SLCO2A1: variants seen among roughly 807,000 people sequenced by gnomAD.
SLCO2A1 encodes the protein solute carrier organic anion transporter family member 2A1, also known as matrin F/G 1.
SLCO2A1 carries 60 observed loss-of-function variants against 71.7 expected under a neutral mutation model. The observed-to-expected ratio is 0.84, with a 90% CI of 0.68 to 1.04. SLCO2A1 has a LOEUF of 1.04. SLCO2A1 is among the 50% of genes least tolerant of loss of function. The probability of loss-of-function intolerance (pLI) is 0.00; values close to 1 mark genes in which losing one functional copy is unlikely to be tolerated. For synonymous variants in SLCO2A1, 308 were observed against 326.7 expected (o/e 0.94, Z 0.62); for missense variants, 745 against 813.4 (o/e 0.92, Z 1.02).
rs1379204674 is a variant in SLCO2A1 at position 133,979,574 on chromosome 3, C to T, written c.141G>A (p.Leu47=). The change falls in exon 2 of 14, where the codon CTG becomes CTA. Residue 47 remains leucine (L), a synonymous_variant. Coordinates refer to ENST00000310926, the MANE Select transcript of SLCO2A1 (RefSeq NM_005630.3). The stretch of plus-strand genomic sequence containing the variant: ...GGCTGCTCTTGAAGTAGGCGCTGTA[C>T]AGGAGTTGGCAGAGCTGCAGGAGGC... ...CQGLLQLCQL[L]YSAYFKSSLT... 1 of 1,614,020 alleles carries T rather than the reference C, an allele frequency of 6.2e-7. No individual in the cohort carries two copies.
At chr3:133,989,866 A>G (rs2108063919) in intron 1 of SLCO2A1, among the ~76,000 whole-genome samples, 1 of 152,062 alleles carries the variant, frequency 6.6e-6, no homozygotes, top group East Asian at 1.9e-4. Context: ...CCTTCTCCCT[A>G]CTCCTCCCAA....
At chr3:133,990,874 C>A (rs1384190734) in intron 1 of SLCO2A1, among the ~76,000 whole-genome samples, 1 of 152,114 alleles carries the variant, frequency 6.6e-6, no homozygotes, top group African/African-American at 2.4e-5. Flanking sequence ...CTTTGAGAGG[C>A]TGAAGCGGGC....
chr3:133,956,511 C>T (rs764993103), intron 3 of SLCO2A1, among the ~76,000 whole-genome samples: 1 of 152,220 alleles, frequency 6.6e-6, no homozygotes, highest in Non-Finnish European at 1.5e-5. Flanking sequence ...GAAGCCAAGG[C>T]GTCTGTTTGG....
intron 4 of SLCO2A1, among the ~76,000 whole-genome samples, chr3:133,954,311 C>T (rs929732889): frequency 5.3e-5 from 8 of 151,658 alleles, no homozygotes; most frequent in Admixed American, 2.0e-4. Context: ...CACAGGTATG[C>T]GCCACCATGC....
chr3:133,951,375 G>A (rs375246622), intron 5 of SLCO2A1, 31 bp from the exon 6 acceptor site: 132 of 1,611,878 alleles, frequency 8.2e-5, no homozygotes, highest in South Asian at 7.3e-4. Flanking sequence ...GCAAATGTTT[G>A]TTGAATGCAT....
chr3:133,973,627 C>A, intron 3 of SLCO2A1, 36 bp downstream of exon 3: 1 of 1,606,970 alleles, frequency 6.2e-7, no homozygotes. Flanking sequence ...TTCACCCATT[C>A]CTTACCCCTT....
At chr3:133,945,343 G>A (rs953173436) in intron 9 of SLCO2A1, 83 bp from the exon 10 acceptor site, 3 of 1,344,000 alleles carry the variant, frequency 2.2e-6, no homozygotes. Flanking sequence ...TGAGTTCCTG[G>A]CCTGGTGAGT....
chr3:134,021,016 T>C (rs1257854481), intron 1 of SLCO2A1, among the ~76,000 whole-genome samples: 2 of 152,258 alleles, frequency 1.3e-5, no homozygotes, highest in Non-Finnish European at 2.9e-5. Flanking sequence ...ACCCACGGCA[T>C]GCCTGTACCG....
At chr3:133,984,250 C>G (rs185671325) in intron 1 of SLCO2A1, among the ~76,000 whole-genome samples, 215 of 152,298 alleles carry the variant, frequency 1.4e-3, no homozygotes, top group Non-Finnish European at 2.7e-3. Flanking sequence ...CCCACTTTCT[C>G]CCCCGTGCTA....
chr3:134,013,653 G>A (rs1034920276), intron 1 of SLCO2A1, among the ~76,000 whole-genome samples: 2 of 152,154 alleles, frequency 1.3e-5, no homozygotes, highest in African/African-American at 4.8e-5. Flanking sequence ...TGCCTGTGTT[G>A]TATTTCCCAA....
chr3:134,020,013 C>T (rs1239520011), intron 1 of SLCO2A1, among the ~76,000 whole-genome samples: 2 of 152,086 alleles, frequency 1.3e-5, no homozygotes, highest in African/African-American at 4.8e-5. Flanking sequence ...CGTTAAAGAT[C>T]GACCCCTGAC....
In SLCO2A1 at chr3:134,022,426, AATT is replaced by A. The variant is rs1239420389; in HGVS notation, c.96+7278_96+7280del. Among the ~76,000 whole-genome samples the A allele has an allele frequency of 5.3e-5, 8 of 152,190 alleles. No individual in the cohort carries two copies. In the East Asian group the frequency reaches 1.5e-3, roughly 29 times the overall value. ...TTACCTACATTAAAAAGTTAAAAAA[AATT>A]ATTGTTTTGAAGGTTTAAGCAAGTT... On this transcript the variant is annotated intron_variant, in intron 1 of 13. Coordinates refer to ENST00000310926, the MANE Select transcript of SLCO2A1 (RefSeq NM_005630.3).
At chr3:134,020,598 T>TCTAACTGGACATCTAA (rs1935553043) in intron 1 of SLCO2A1, among the ~76,000 whole-genome samples, 1 of 152,256 alleles carries the variant, frequency 6.6e-6, no homozygotes, top group South Asian at 2.1e-4. Flanking sequence ...TAAAACTTAG[T>TCTAACTGGACATCTAA]AAGACTAGTC....
Position 133,942,769 on chromosome 3 carries a change from C to T in SLCO2A1, c.1462-1G>A. The stretch of plus-strand genomic sequence containing the variant: ...TCACACAGCTGCAGTTCAAATAGAT[C>T]TTCAAGAGGAAGGGGAGGGAAAAAG... On this transcript the variant is annotated splice_acceptor_variant, in intron 10 of 13. Transcript: ENST00000310926. LOFTEE classifies it high-confidence loss of function. The T allele has an allele frequency of 6.3e-7, 1 of 1,597,540 alleles. No individual in the cohort carries two copies. Among genetic ancestry groups the T allele is most frequent in the Non-Finnish European group, 8.5e-7 (1 of 1,170,708 alleles).
chr3:134,029,466 G>A (rs1193482620), intron 1 of SLCO2A1, among the ~76,000 whole-genome samples: 2 of 129,388 alleles, frequency 1.5e-5, no homozygotes, highest in Non-Finnish European at 3.2e-5. Context: ...TCCGATGAAG[G>A]CGTGTGAACA....
chr3:133,964,176 A>T (rs998051096), intron 3 of SLCO2A1, among the ~76,000 whole-genome samples: 3 of 152,206 alleles, frequency 2.0e-5, no homozygotes, highest in African/African-American at 7.2e-5. Flanking sequence ...AGTCTGGGGC[A>T]CATTGTGGGG....
At chr3:133,941,723 G>C (rs1933428247) in intron 11 of SLCO2A1, among the ~76,000 whole-genome samples, 1 of 152,042 alleles carries the variant, frequency 6.6e-6, no homozygotes, top group Admixed American at 6.5e-5. Flanking sequence ...CTCCCTTCCT[G>C]ACCTGGGAAC....
At chr3:133,971,723 T>A (rs535427058) in intron 3 of SLCO2A1, among the ~76,000 whole-genome samples, 265 of 152,270 alleles carry the variant, frequency 1.7e-3, no homozygotes, top group Admixed American at 3.7e-3. Context: ...TCAACTCCAA[T>A]ACAGTGGACT....
intron 13 of SLCO2A1, among the ~76,000 whole-genome samples, chr3:133,935,458 T>C (rs956352626): frequency 3.3e-5 from 5 of 152,220 alleles, no homozygotes; most frequent in Admixed American, 2.6e-4. Context: ...GGCCTCTTCC[T>C]TGGGCTCCAG....
Sources: allele counts gnomAD v4.1 joint callset (sites outside exome capture counted in the v4.1 genomes callset), GRCh38; gene constraint gnomAD v4.1.1; transcripts MANE v1.5; gene names NCBI Gene and HGNC (gene_info 2026-07-23, HGNC 2026-07-21).